GRIN2A: variants seen among roughly 807,000 people sequenced by gnomAD.
GRIN2A encodes glutamate ionotropic receptor NMDA type subunit 2A.
GRIN2A carries 22 observed loss-of-function variants against 113.4 expected under a neutral mutation model. The observed-to-expected ratio is 0.19, with a 90% CI of 0.14 to 0.28. GRIN2A has a LOEUF of 0.28. Among genes scored for constraint, GRIN2A ranks in the 10% least tolerant of loss-of-function variants. The probability of loss-of-function intolerance (pLI) is 1.00; values close to 1 mark genes in which losing one functional copy is unlikely to be tolerated. For missense variants in GRIN2A, 1,502 were observed against 1,887.0 expected, an observed-to-expected ratio of 0.80 and a Z score of 3.78; for synonymous variants, 827 against 738.4, an observed-to-expected ratio of 1.12 and a Z score of -1.94.
Position 9,849,953 on chromosome 16 carries a change from C to T in GRIN2A, c.1131G>A (p.Lys377=), listed in dbSNP as rs1465011695. 36 of 1,613,672 alleles carry T rather than the reference C, an allele frequency of 2.2e-5. No individual in the cohort carries two copies. Among genetic ancestry groups the T allele is most frequent in the Non-Finnish European group, 2.9e-5 (34 of 1,179,662 alleles). Residue 377 remains lysine (K), a synonymous_variant, in exon 5 of 13, where the codon AAG becomes AAA. Coordinates refer to ENST00000330684, the MANE Select transcript of GRIN2A (RefSeq NM_001134407.3). The part of the protein sequence containing the change: ...NKDREWEKVG[K]WENHTLSLRH... The stretch of plus-strand genomic sequence containing the variant: ...TCAGGCTCAGCGTATGGTTCTCCCA[C>T]TTGCCCACCTGCAGCACAAACACAA...
intron 2 of GRIN2A, among the ~76,000 whole-genome samples, chr16:10,084,771 T>TATTTATTTA (rs59116556): frequency 6.6e-6 from 1 of 152,038 alleles, no homozygotes. Context: ...TTTATTTATT[T>TATTTATTTA]TCTGCCTCCA....
chr16:9,934,086 C>G (rs2044657547), intron 3 of GRIN2A, among the ~76,000 whole-genome samples: 1 of 152,180 alleles, frequency 6.6e-6, no homozygotes, highest in East Asian at 1.9e-4. Context: ...TCTACATTAT[C>G]ATTAATGTTT....
intron 2 of GRIN2A, among the ~76,000 whole-genome samples, chr16:10,066,199 T>G (rs2047645900): frequency 6.6e-6 from 1 of 152,146 alleles, no homozygotes; most frequent in Non-Finnish European, 1.5e-5. Context: ...CTTTGAAGTT[T>G]GGGATGCGTC....
intron 9 of GRIN2A, among the ~76,000 whole-genome samples, chr16:9,825,832 C>T (rs1334502938): frequency 6.6e-6 from 1 of 152,082 alleles, no homozygotes; most frequent in Non-Finnish European, 1.5e-5. Flanking sequence ...AGAACACATT[C>T]CTGGGCTCAT....
At chr16:9,820,081 A>C (rs1020820407) in intron 10 of GRIN2A, among the ~76,000 whole-genome samples, 1 of 152,136 alleles carries the variant, frequency 6.6e-6, no homozygotes, top group Non-Finnish European at 1.5e-5. Context: ...TAATTATTAT[A>C]TGGCTTCCAG....
intron 2 of GRIN2A, among the ~76,000 whole-genome samples, chr16:10,054,556 A>G (rs2047413151): frequency 6.6e-6 from 1 of 152,236 alleles, no homozygotes; most frequent in African/African-American, 2.4e-5. Context: ...ATATATCATT[A>G]AGAAAATTTC....
chr16:9,757,697 C>T lies in GRIN2A; in HGVS notation c.*5452G>A, dbSNP rs1478139984. On this transcript the variant is annotated 3_prime_UTR_variant, in exon 13 of 13. Coordinates refer to ENST00000330684, the MANE Select transcript of GRIN2A (RefSeq NM_001134407.3). ...ACCTCAATTATTTCAATGGTCACTG[C>T]CAGCCTTTTATCTTCAGTTTGAGGT... 9.2e-6 allele frequency: 2 copies of T among 218,356 alleles called. No homozygotes were observed. The highest frequency in any genetic ancestry group is 1.8e-5 in the Non-Finnish European group (2 of 108,636). The allele number at this position is 218,356 out of a possible 1,614,324, so 13.5% of individuals were successfully genotyped here. A position where few individuals can be genotyped will look rare whatever the true frequency, so the allele number is the denominator to read the frequency against.
At chr16:9,873,310 G>A (rs745553844) in intron 4 of GRIN2A, among the ~76,000 whole-genome samples, 4 of 152,156 alleles carry the variant, frequency 2.6e-5, no homozygotes, top group East Asian at 3.8e-4. Context: ...ATCTATGCAT[G>A]TAACAAAATT....
Position 10,155,012 on chromosome 16 carries a change from G to A in GRIN2A, c.414+24986C>T, listed in dbSNP as rs541021088. ...AATAAGTTTAAACCGTGTCTGTAGC[G>A]CAGGACTTCTCAGAGCTTTGAAGAG... On this transcript the variant is annotated intron_variant, in intron 2 of 12. Transcript: ENST00000330684. Among the ~76,000 whole-genome samples, 9 of 152,278 alleles carry A rather than the reference G, an allele frequency of 5.9e-5. No individual in the cohort carries two copies. The East Asian group carries it at 1.5e-3, about 26-fold the overall frequency.
At chr16:10,089,695 A>G (rs895070978) in intron 2 of GRIN2A, among the ~76,000 whole-genome samples, 4 of 152,204 alleles carry the variant, frequency 2.6e-5, no homozygotes, top group African/African-American at 9.6e-5. Context: ...AAAACCCTTG[A>G]TAATAATAAT....
intron 4 of GRIN2A, among the ~76,000 whole-genome samples, chr16:9,888,017 C>G (rs568169065): frequency 6.6e-6 from 1 of 152,286 alleles, no homozygotes; most frequent in Non-Finnish European, 1.5e-5. Flanking sequence ...CTTGGCTCAC[C>G]GGAACCTCCA....
At chr16:9,955,830 G>A (rs887240135) in intron 2 of GRIN2A, among the ~76,000 whole-genome samples, 6 of 152,230 alleles carry the variant, frequency 3.9e-5, no homozygotes, top group Non-Finnish European at 7.4e-5. Flanking sequence ...ACACAGCATC[G>A]AGTAAGTCAT....
At chr16:9,862,924 T>A (rs1438126246) in intron 4 of GRIN2A, among the ~76,000 whole-genome samples, 2 of 152,212 alleles carry the variant, frequency 1.3e-5, no homozygotes, top group African/African-American at 2.4e-5. Flanking sequence ...TTAACGAGTA[T>A]AATTGTTGGC....
intron 3 of GRIN2A, among the ~76,000 whole-genome samples, chr16:9,918,390 T>C (rs2044294113): frequency 6.6e-6 from 1 of 152,228 alleles, no homozygotes; most frequent in Admixed American, 6.5e-5. Context: ...AATTAGGCAC[T>C]GTAGGAGATT....
chr16:10,042,795 T>G (rs1052275444), intron 2 of GRIN2A, among the ~76,000 whole-genome samples: 1 of 152,138 alleles, frequency 6.6e-6, no homozygotes, highest in Non-Finnish European at 1.5e-5. Context: ...AAGGGGGCCA[T>G]AGGAAGATAA....
chr16:9,919,260 T>C lies in GRIN2A; in HGVS notation c.1007+18699A>G, dbSNP rs1303591977. ...GATCATGGCTCTGACTCATTCTTCATACCATGCTTCTCTTAGTTCTTCCTC... is the reference window on the plus strand; with the variant it reads ...GATCATGGCTCTGACTCATTCTTCACACCATGCTTCTCTTAGTTCTTCCTC... On this transcript the variant is annotated intron_variant, in intron 3 of 12. Coordinates refer to ENST00000330684, the MANE Select transcript of GRIN2A (RefSeq NM_001134407.3). Among the ~76,000 whole-genome samples, 4 of 152,340 alleles carry C rather than the reference T, an allele frequency of 2.6e-5. No homozygotes were observed. The East Asian group carries it at 5.8e-4, about 22-fold the overall frequency.
intron 2 of GRIN2A, among the ~76,000 whole-genome samples, chr16:9,978,904 T>C (rs2045829351): frequency 2.6e-5 from 4 of 152,162 alleles, no homozygotes. Context: ...GATGTGACAG[T>C]AAATTCTGCT....
intron 2 of GRIN2A, among the ~76,000 whole-genome samples, chr16:10,088,946 C>T (rs1416744109): frequency 2.6e-5 from 4 of 152,176 alleles, no homozygotes; most frequent in East Asian, 3.8e-4. Flanking sequence ...TTATTGACAC[C>T]CTTCTCTATG....
At chr16:10,181,066 G>T (rs1390640252) in intron 1 of GRIN2A, among the ~76,000 whole-genome samples, 2 of 148,868 alleles carry the variant, frequency 1.3e-5, no homozygotes, top group Non-Finnish European at 3.0e-5. Context: ...TACACCCCAA[G>T]TGCTTGGGAG....
Sources: gnomAD v4.1 joint callset for allele counts (sites outside exome capture counted in the v4.1 genomes callset) on GRCh38, gnomAD v4.1.1 for gene constraint, MANE v1.5 for transcripts, NCBI Gene and HGNC (gene_info 2026-07-23, HGNC 2026-07-21) for gene names.